Variants in DSCAM observed in about 807,000 individuals in gnomAD.
The protein encoded by DSCAM is DS cell adhesion molecule, also known as cell adhesion molecule DSCAM.
A neutral mutation model predicts 217.7 loss-of-function variants in DSCAM; 47 were observed. The observed-to-expected ratio is 0.22, with a 90% CI of 0.17 to 0.28. DSCAM has a LOEUF of 0.28. Ranked by LOEUF, DSCAM falls within the 10% of genes least tolerant of loss-of-function variation. The pLI is 1.00. For missense variants in DSCAM, 2,080 were observed against 2,618.3 expected (o/e 0.79, Z 4.49); for synonymous variants, 1,056 against 1,015.3 (o/e 1.04, Z -0.76).
chr21:40,642,034 C>T (rs964138394), intron 3 of DSCAM, among the ~76,000 whole-genome samples: 1 of 81,636 alleles, frequency 1.2e-5, no homozygotes, highest in African/African-American at 4.4e-5. Context: ...GTGACAGAGA[C>T]TCTGTCTCAA....
chr21:40,155,920 C>A (rs36043003), intron 16 of DSCAM, among the ~76,000 whole-genome samples: 1 of 151,668 alleles, frequency 6.6e-6, no homozygotes, highest in South Asian at 2.1e-4. Flanking sequence ...GAGGGCAGGG[C>A]GTGGGAAGCT....
At chr21:40,661,234 C>T (rs111897273) in intron 3 of DSCAM, among the ~76,000 whole-genome samples, 103 of 152,222 alleles carry the variant, frequency 6.8e-4, no homozygotes, top group African/African-American at 2.4e-3. Context: ...TTCACAAATA[C>T]GTTGCAGAGG....
chr21:40,797,508 T>C (rs1229044709), intron 1 of DSCAM, among the ~76,000 whole-genome samples: 1 of 152,228 alleles, frequency 6.6e-6, no homozygotes, highest in Non-Finnish European at 1.5e-5. Flanking sequence ...GACAGGCTGG[T>C]TTATGAATAA....
intron 3 of DSCAM, among the ~76,000 whole-genome samples, chr21:40,524,031 T>C (rs2076380707): frequency 6.6e-6 from 1 of 152,216 alleles, no homozygotes; most frequent in South Asian, 2.1e-4. Context: ...ATGTGTGAGC[T>C]TGATTTGATG....
intron 32 of DSCAM, among the ~76,000 whole-genome samples, chr21:40,031,573 G>A (rs1355410788): frequency 6.6e-6 from 1 of 152,116 alleles, no homozygotes; most frequent in Non-Finnish European, 1.5e-5. Flanking sequence ...GGCAAATCTT[G>A]AGAAGGTCAA....
chr21:40,544,506 A>T (rs559163599), intron 3 of DSCAM, among the ~76,000 whole-genome samples: 1 of 152,330 alleles, frequency 6.6e-6, no homozygotes, highest in Non-Finnish European at 1.5e-5. Flanking sequence ...ACACAGAGAC[A>T]TAGAGAAGAA....
intron 3 of DSCAM, among the ~76,000 whole-genome samples, chr21:40,507,636 A>C (rs1309372420): frequency 6.6e-6 from 1 of 151,980 alleles, no homozygotes; most frequent in African/African-American, 2.4e-5. Context: ...CAAAAAACAC[A>C]AAAGTTAGCT....
intron 32 of DSCAM, among the ~76,000 whole-genome samples, chr21:40,040,227 T>A (rs972439931): frequency 1.3e-5 from 2 of 152,228 alleles, no homozygotes; most frequent in African/African-American, 4.8e-5. Flanking sequence ...TTCAAACCTA[T>A]ATTTATAAAA....
chr21:40,121,011 T>C (rs1298292772), intron 20 of DSCAM, among the ~76,000 whole-genome samples: 1 of 152,164 alleles, frequency 6.6e-6, no homozygotes, highest in Non-Finnish European at 1.5e-5. Flanking sequence ...GGGACCAAAT[T>C]ACAAGGCATA....
chr21:40,493,521 T>A lies in DSCAM; in HGVS notation c.509-124276A>T, dbSNP rs2076092620. Among the ~76,000 whole-genome samples the A allele has an allele frequency of 3.3e-5, 5 of 152,088 alleles. No homozygotes were observed. The South Asian group carries it at 8.3e-4, about 25-fold the overall frequency. On this transcript the variant is annotated intron_variant, in intron 3 of 32. Coordinates refer to ENST00000400454, the MANE Select transcript of DSCAM (RefSeq NM_001389.5). ...TTAAAAATAATATTAGCTACAACAA[T>A]TTGTTAAGAAATATGCAATATTAAA...
chr21:40,502,296 A>T (rs959509582), intron 3 of DSCAM, among the ~76,000 whole-genome samples: 28 of 152,192 alleles, frequency 1.8e-4, no homozygotes, highest in Admixed American at 5.2e-4. Flanking sequence ...CTAGTGTGTC[A>T]TTTAATAAAT....
At chr21:40,547,703 C>T (rs1030657872) in intron 3 of DSCAM, among the ~76,000 whole-genome samples, 1 of 152,120 alleles carries the variant, frequency 6.6e-6, no homozygotes, top group African/African-American at 2.4e-5. Flanking sequence ...CCTCTTCCAG[C>T]CTTCAGCACA....
chr21:40,533,846 A>G (rs1412057292), intron 3 of DSCAM, among the ~76,000 whole-genome samples: 1 of 152,116 alleles, frequency 6.6e-6, no homozygotes, highest in Non-Finnish European at 1.5e-5. Context: ...AAACCTATTT[A>G]GGTGATTGGA....
chr21:40,839,749 T>C (rs572725267), intron 1 of DSCAM, among the ~76,000 whole-genome samples: 1 of 152,294 alleles, frequency 6.6e-6, no homozygotes, highest in South Asian at 2.1e-4. Flanking sequence ...TCTTTCACTG[T>C]CTTTGCGGCT....
chr21:40,805,515 T>C (rs2091777745), intron 1 of DSCAM, among the ~76,000 whole-genome samples: 1 of 152,132 alleles, frequency 6.6e-6, no homozygotes, highest in Non-Finnish European at 1.5e-5. Context: ...CTACTTAGCT[T>C]GTTCCATTGG....
intron 20 of DSCAM, among the ~76,000 whole-genome samples, chr21:40,113,877 G>A (rs200315300): frequency 0.2 from 30,371 of 151,688 alleles, 3,404 homozygotes; most frequent in East Asian, 0.26. Context: ...ACCTCTTCAA[G>A]GAGAACTACA....
At chr21:40,661,194 T>A (rs938347852) in intron 3 of DSCAM, among the ~76,000 whole-genome samples, 1 of 152,204 alleles carries the variant, frequency 6.6e-6, no homozygotes. Flanking sequence ...ATTTGAAAAA[T>A]ACACTGTGTT....
chr21:40,107,957 A>G (rs1323143302), intron 20 of DSCAM, among the ~76,000 whole-genome samples: 1 of 152,180 alleles, frequency 6.6e-6, no homozygotes, highest in Admixed American at 6.5e-5. Context: ...GGTAAAATCC[A>G]ACATCCATTC....
chr21:40,252,430 C>A (rs1220118877), intron 11 of DSCAM, among the ~76,000 whole-genome samples: 2 of 152,088 alleles, frequency 1.3e-5, no homozygotes, highest in Non-Finnish European at 2.9e-5. Flanking sequence ...TTATCTTTGA[C>A]AAATGAGATT....
Sources: gnomAD v4.1 joint callset for allele counts (sites outside exome capture counted in the v4.1 genomes callset) on GRCh38, gnomAD v4.1.1 for gene constraint, MANE v1.5 for transcripts, NCBI Gene and HGNC (gene_info 2026-07-23, HGNC 2026-07-21) for gene names.